ZNF521: variants seen among roughly 807,000 people sequenced by gnomAD.
The protein encoded by ZNF521 is LYST-interacting protein 3.
In ZNF521, 14 loss-of-function variants were observed where a neutral mutation model predicts 105.5. That is an observed-to-expected ratio of 0.13 (90% CI 0.09 to 0.21). The LOEUF is 0.21. ZNF521 is among the 10% of genes least tolerant of loss of function. ZNF521 has a pLI of 1.00. For missense variants in ZNF521, 1,233 were observed against 1,629.7 expected, an observed-to-expected ratio of 0.76 and a Z score of 4.19; for synonymous variants, 635 against 606.0, an observed-to-expected ratio of 1.05 and a Z score of -0.70.
At chr18:25,111,898 C>T (rs145453674) in intron 5 of ZNF521, among the ~76,000 whole-genome samples, 54 of 152,300 alleles carry the variant, frequency 3.5e-4, no homozygotes, top group African/African-American at 1.0e-3. Flanking sequence ...TGGCCCTCCT[C>T]GGCGTGGCGG....
intron 3 of ZNF521, among the ~76,000 whole-genome samples, chr18:25,262,585 A>G (rs1187094142): frequency 6.6e-6 from 1 of 152,238 alleles, no homozygotes; most frequent in Admixed American, 6.5e-5. Flanking sequence ...GAAAAACAGA[A>G]TCTCTGCCCT....
intron 5 of ZNF521, among the ~76,000 whole-genome samples, chr18:25,127,283 A>G (rs2034555737): frequency 6.6e-6 from 1 of 152,044 alleles, no homozygotes; most frequent in Non-Finnish European, 1.5e-5. Flanking sequence ...AGGTGACAGT[A>G]GTAGGACAAG....
At chr18:25,084,143 T>C (rs988894193) in intron 7 of ZNF521, among the ~76,000 whole-genome samples, 2 of 151,914 alleles carry the variant, frequency 1.3e-5, no homozygotes, top group African/African-American at 4.8e-5. Flanking sequence ...TAGCAGTATG[T>C]AATATAGCAG....
At chr18:25,204,381 G>T (rs2036044022) in intron 4 of ZNF521, among the ~76,000 whole-genome samples, 1 of 151,904 alleles carries the variant, frequency 6.6e-6, no homozygotes. Flanking sequence ...ATCCCCAATA[G>T]TCAAAAACCA....
At chr18:25,243,271 C>A (rs995024326) in intron 3 of ZNF521, among the ~76,000 whole-genome samples, 1 of 152,066 alleles carries the variant, frequency 6.6e-6, no homozygotes, top group Non-Finnish European at 1.5e-5. Context: ...CTTAAAAAGC[C>A]AAATTAAATG....
chr18:25,346,343 TAA>T (rs1392569898), intron 2 of ZNF521, among the ~76,000 whole-genome samples: 6 of 151,982 alleles, frequency 3.9e-5, no homozygotes, highest in Non-Finnish European at 8.8e-5. Flanking sequence ...ACTTTGAACA[TAA>T]GAGAAAAAAA....
chr18:25,351,035 C>G (rs1914730189), intron 1 of ZNF521, 88 bp from the exon 2 acceptor site: 2 of 1,137,846 alleles, frequency 1.8e-6, no homozygotes, highest in Non-Finnish European at 1.1e-6. Flanking sequence ...GCCGCGGCGC[C>G]TCGCGCCCTC....
At chr18:25,293,359 C>CGT (rs150355976) in intron 3 of ZNF521, among the ~76,000 whole-genome samples, 6 of 150,986 alleles carry the variant, frequency 4.0e-5, no homozygotes, top group Non-Finnish European at 7.4e-5. Context: ...CATACACACA[C>CGT]ACACACACAC....
At chr18:25,308,661 C>A (rs990711699) in intron 3 of ZNF521, among the ~76,000 whole-genome samples, 17 of 142,878 alleles carry the variant, frequency 1.2e-4, no homozygotes, top group South Asian at 2.4e-4. Context: ...CCCCCCCCCC[C>A]ACCCGCCACA....
intron 5 of ZNF521, among the ~76,000 whole-genome samples, chr18:25,174,266 C>T (rs2035497386): frequency 6.6e-6 from 1 of 152,174 alleles, no homozygotes; most frequent in Non-Finnish European, 1.5e-5. Context: ...TCGAGGAGCA[C>T]TAACTCTGAA....
chr18:25,240,665 C>G (rs1357151437), intron 3 of ZNF521, among the ~76,000 whole-genome samples: 1 of 152,106 alleles, frequency 6.6e-6, no homozygotes, highest in Non-Finnish European at 1.5e-5. Flanking sequence ...GCCCTTGATT[C>G]TGAGTACACA....
At chr18:25,128,822 CAT>C (rs141721904) in intron 5 of ZNF521, among the ~76,000 whole-genome samples, 2,089 of 152,012 alleles carry the variant, frequency 0.014, 46 homozygotes, top group African/African-American at 0.046. Context: ...TAAATGGAAA[CAT>C]ATTTCATGTT....
chr18:25,198,949 T>C (rs1354155688), intron 4 of ZNF521, among the ~76,000 whole-genome samples: 1 of 151,998 alleles, frequency 6.6e-6, no homozygotes, highest in African/African-American at 2.4e-5. Flanking sequence ...TAGCTGATGG[T>C]AATTACTCTA....
chr18:25,075,274 GC>G, intron 7 of ZNF521, among the ~76,000 whole-genome samples: 1 of 152,124 alleles, frequency 6.6e-6, no homozygotes, highest in East Asian at 1.9e-4. Flanking sequence ...TCATTAAACC[GC>G]CTGGCATTTC....
chr18:25,341,899 C>A (rs34404586), intron 2 of ZNF521, among the ~76,000 whole-genome samples: 37,948 of 152,100 alleles, frequency 0.25, 4,770 homozygotes, highest in Admixed American at 0.32. Flanking sequence ...ATCCTCAGAA[C>A]TTAGTACAGT....
intron 1 of ZNF521, 87 bp downstream of exon 1, chr18:25,351,918 C>A (rs1914808378): frequency 3.6e-6 from 1 of 280,192 alleles, no homozygotes; most frequent in East Asian, 1.4e-4. Flanking sequence ...GCGGCAGCGG[C>A]GGCGAGAGCA....
At chr18:25,246,350 T>C (rs765967581) in intron 3 of ZNF521, among the ~76,000 whole-genome samples, 1 of 152,234 alleles carries the variant, frequency 6.6e-6, no homozygotes, top group Non-Finnish European at 1.5e-5. Flanking sequence ...ATATTCATAA[T>C]GTAGAAGGTC....
At chr18:25,336,769 AATC>A (rs757805607) in intron 2 of ZNF521, among the ~76,000 whole-genome samples, 1 of 152,200 alleles carries the variant, frequency 6.6e-6, no homozygotes, top group Non-Finnish European at 1.5e-5. Flanking sequence ...AAAAATTCCC[AATC>A]TTCAACCACA....
At chr18:25,209,994 CTGAA>C (rs1189577328) in intron 4 of ZNF521, among the ~76,000 whole-genome samples, 1 of 152,036 alleles carries the variant, frequency 6.6e-6, no homozygotes, top group Non-Finnish European at 1.5e-5. Flanking sequence ...TGCACTTTGA[CTGAA>C]TAAGCTATAG....
Sources: gnomAD v4.1 joint callset for allele counts (sites outside exome capture counted in the v4.1 genomes callset) on GRCh38, gnomAD v4.1.1 for gene constraint, MANE v1.5 for transcripts, NCBI Gene and HGNC (gene_info 2026-07-23, HGNC 2026-07-21) for gene names.